Variants in PARD3B observed in about 807,000 individuals in gnomAD.
PARD3B encodes partitioning defective 3 homolog B.
Under a neutral mutation model 130.2 loss-of-function variants are expected in PARD3B, and 103 were observed. That is an observed-to-expected ratio of 0.79 (90% CI 0.67 to 0.93). PARD3B has a LOEUF of 0.93. Among genes scored for constraint, PARD3B ranks in the 40% least tolerant of loss-of-function variants. The pLI is 0.00. For missense variants in PARD3B, 1,609 were observed against 1,499.2 expected (o/e 1.07, Z -1.21); for synonymous variants, 583 against 553.2 (o/e 1.05, Z -0.76).
chr2:205,344,137 T>A (rs2105818982), intron 18 of PARD3B, among the ~76,000 whole-genome samples: 1 of 151,940 alleles, frequency 6.6e-6, no homozygotes, highest in South Asian at 2.1e-4. Flanking sequence ...GTATATATTT[T>A]ATCATGGGAG....
At chr2:205,408,867 C>A (rs2046500170) in intron 19 of PARD3B, among the ~76,000 whole-genome samples, 1 of 152,044 alleles carries the variant, frequency 6.6e-6, no homozygotes, top group African/African-American at 2.4e-5. Flanking sequence ...TGGAATGATT[C>A]CCAGTTTTAA....
In PARD3B at chr2:204,803,161, A is replaced by ATAT. The variant is rs1553528085; in HGVS notation, c.222+116879_222+116880insTAT. Among the ~76,000 whole-genome samples, 1,146 of 119,610 alleles carry ATAT rather than the reference A, an allele frequency of 9.6e-3. 6 individuals are homozygous for ATAT. The highest frequency in any genetic ancestry group is 0.013 in the Non-Finnish European group (752 of 57,762). 78.5% of individuals were successfully genotyped at this position (119,610 alleles called of 152,430 possible). On this transcript the variant is annotated intron_variant, in intron 2 of 22. Coordinates refer to ENST00000406610, the MANE Select transcript of PARD3B (RefSeq NM_001302769.2). ...TGCTGAAGGAAAAAAAAAAAAAAAAAAAATATATATATATATATATAATCC... is the reference window on the plus strand; with the variant it reads ...TGCTGAAGGAAAAAAAAAAAAAAAAATATAAATATATATATATATATATAATCC...
intron 1 of PARD3B, among the ~76,000 whole-genome samples, chr2:204,609,048 C>T (rs2033831353): frequency 6.6e-6 from 1 of 152,102 alleles, no homozygotes; most frequent in African/African-American, 2.4e-5. Context: ...TAAAAGTTGT[C>T]ACTTTATTCA....
At chr2:204,785,435 C>A (rs536585875) in intron 2 of PARD3B, among the ~76,000 whole-genome samples, 1 of 152,286 alleles carries the variant, frequency 6.6e-6, no homozygotes, top group South Asian at 2.1e-4. Flanking sequence ...GTCTCACCTT[C>A]GCCATTCCAA....
chr2:204,765,161 T>C (rs946228329), intron 2 of PARD3B, among the ~76,000 whole-genome samples: 20 of 152,318 alleles, frequency 1.3e-4, no homozygotes, highest in African/African-American at 4.8e-4. Flanking sequence ...GTCAGTACAT[T>C]TGTTTCACTG....
intron 22 of PARD3B, among the ~76,000 whole-genome samples, chr2:205,611,931 C>G (rs2055245189): frequency 6.6e-6 from 1 of 151,950 alleles, no homozygotes; most frequent in Non-Finnish European, 1.5e-5. Flanking sequence ...AGGAAGCTGC[C>G]CCTGGATTCC....
chr2:205,431,164 C>A (rs1272455810), intron 19 of PARD3B, among the ~76,000 whole-genome samples: 2 of 152,260 alleles, frequency 1.3e-5, no homozygotes, highest in Non-Finnish European at 2.9e-5. Flanking sequence ...GCAACCTCCA[C>A]CTTCCAGGTT....
Position 205,592,499 on chromosome 2 carries a change from C to T in PARD3B, c.3261-22957C>T, listed in dbSNP as rs369771229. ...GGCACTGGAGAGTGAACGGTGAACT[C>T]GGTAATAGTCCTTACCATCACAGAG... is the stretch of plus-strand genomic sequence containing the variant. On this transcript the variant is annotated intron_variant, in intron 22 of 22. Transcript: ENST00000406610. This position sits in a 1 kb window ranked among gnomAD's most constrained non-coding sequence, Gnocchi z 4.5. Among the ~76,000 whole-genome samples, 11 of 152,250 alleles carry T rather than the reference C, an allele frequency of 7.2e-5. No individual in the cohort carries two copies. The highest frequency in any genetic ancestry group is 2.4e-4 in the African/African-American group (10 of 41,548).
At chr2:205,559,499 GC>G (rs1375504491) in intron 22 of PARD3B, among the ~76,000 whole-genome samples, 1 of 151,442 alleles carries the variant, frequency 6.6e-6, no homozygotes, top group Non-Finnish European at 1.5e-5. Context: ...ATCCCCCAAA[GC>G]TTTTTTGACA....
At chr2:204,903,447 A>G (rs570860736) in intron 2 of PARD3B, among the ~76,000 whole-genome samples, 1 of 152,332 alleles carries the variant, frequency 6.6e-6, no homozygotes, top group African/African-American at 2.4e-5. Flanking sequence ...TTATATTACC[A>G]CAAATTGGCT....
At chr2:205,150,252 T>C (rs201521171) in intron 10 of PARD3B, among the ~76,000 whole-genome samples, 14,270 of 145,744 alleles carry the variant, frequency 0.098, 886 homozygotes, top group African/African-American at 0.17. Flanking sequence ...TGTGTGTGTG[T>C]GCACACACGC....
At chr2:205,059,220 T>C (rs1203000072) in intron 4 of PARD3B, among the ~76,000 whole-genome samples, 2 of 152,096 alleles carry the variant, frequency 1.3e-5, no homozygotes, top group Non-Finnish European at 2.9e-5. Flanking sequence ...TTGGCACCAC[T>C]GTTGAAACTC....
chr2:205,535,896 C>G (rs1290648397), intron 21 of PARD3B, among the ~76,000 whole-genome samples: 1 of 152,126 alleles, frequency 6.6e-6, no homozygotes, highest in Non-Finnish European at 1.5e-5. Flanking sequence ...GAATTGTACC[C>G]CAAATTTCAT....
intron 22 of PARD3B, among the ~76,000 whole-genome samples, chr2:205,615,178 C>T (rs75650636): frequency 0.071 from 10,786 of 152,256 alleles, 528 homozygotes; most frequent in Non-Finnish European, 0.11. Flanking sequence ...TCCATGGCAA[C>T]GGGGACCCAG....
At chr2:205,127,584 G>C (rs2031587100) in intron 10 of PARD3B, among the ~76,000 whole-genome samples, 1 of 152,154 alleles carries the variant, frequency 6.6e-6, no homozygotes, top group African/African-American at 2.4e-5. Context: ...TTGGAAAGTA[G>C]ACCTGATCTG....
chr2:205,495,358 A>C (rs1366115268), intron 20 of PARD3B, among the ~76,000 whole-genome samples: 15 of 152,220 alleles, frequency 9.9e-5, no homozygotes, highest in Admixed American at 2.0e-4. Flanking sequence ...ACTGTCATTG[A>C]TCACCTATAT....
intron 1 of PARD3B, among the ~76,000 whole-genome samples, chr2:204,601,001 T>A (rs1314209977): frequency 6.6e-6 from 1 of 151,786 alleles, no homozygotes; most frequent in Non-Finnish European, 1.5e-5. Flanking sequence ...TGGACAAGAA[T>A]GGAGTGGAGA....
chr2:205,391,254 G>A (rs1447454189), intron 18 of PARD3B, among the ~76,000 whole-genome samples: 2 of 152,252 alleles, frequency 1.3e-5, no homozygotes, highest in Admixed American at 6.5e-5. Flanking sequence ...AGAAGGGGAT[G>A]TTGTGGGCGC....
intron 1 of PARD3B, among the ~76,000 whole-genome samples, chr2:204,572,452 C>T (rs2032053678): frequency 6.6e-6 from 1 of 152,174 alleles, no homozygotes; most frequent in African/African-American, 2.4e-5. Flanking sequence ...ACACCAGTAG[C>T]TCCCTCAACC....
Sources: gnomAD v4.1 joint callset for allele counts (sites outside exome capture counted in the v4.1 genomes callset) on GRCh38, gnomAD v4.1.1 for gene constraint, Gnocchi (gnomAD v3.1) non-coding constraint, MANE v1.5 for transcripts, NCBI Gene and HGNC (gene_info 2026-07-23, HGNC 2026-07-21) for gene names.